The following GPAM variants were observed in gnomAD, a reference collection of about 807,000 sequenced individuals.
GPAM encodes glycerol-3-phosphate acyltransferase 1, mitochondrial.
GPAM carries 56 observed loss-of-function variants against 105.0 expected under a neutral mutation model. The ratio of observed to expected loss-of-function variants is 0.53; its 90% CI spans 0.43 to 0.67. The LOEUF (loss-of-function observed/expected upper bound fraction) is 0.67, where lower values mean the gene tolerates loss of function less well. Ranked by LOEUF, GPAM falls within the 30% of genes least tolerant of loss-of-function variation. The pLI is 0.00. For missense variants in GPAM, 855 were observed against 989.8 expected, an observed-to-expected ratio of 0.86 and a Z score of 1.83; for synonymous variants, 368 against 354.4, an observed-to-expected ratio of 1.04 and a Z score of -0.43.
intron 1 of GPAM, among the ~76,000 whole-genome samples, chr10:112,200,167 AATATATATAT>A (rs10528337): frequency 0.011 from 956 of 87,152 alleles, 11 homozygotes; most frequent in South Asian, 0.033. Flanking sequence ...TTGTAAAGGA[AATATATATAT>A]ATATATATAT....
At chr10:112,199,402 T>C (rs990872389) in intron 1 of GPAM, among the ~76,000 whole-genome samples, 1 of 152,078 alleles carries the variant, frequency 6.6e-6, no homozygotes, top group African/African-American at 2.4e-5. Context: ...CAGGAGGAGA[T>C]GGGAAATGAG....
chr10:112,153,849 A>G, intron 21 of GPAM, 183 bp from the exon 22 acceptor site: 1 of 585,528 alleles, frequency 1.7e-6, no homozygotes, highest in Non-Finnish European at 2.9e-6. Context: ...TTTCCAATGC[A>G]AACAAGGTTT....
intron 4 of GPAM, 58 bp from the exon 5 acceptor site, chr10:112,178,115 C>G (rs1210973614): frequency 1.4e-5 from 12 of 860,810 alleles, no homozygotes; most frequent in Non-Finnish European, 2.4e-5. Context: ...CGGTGAAGAG[C>G]TCTCATTATG....
Position 112,168,929 on chromosome 10 carries a change from C to T in GPAM, c.818G>A (p.Gly273Asp). 4 of 1,606,270 alleles carry T rather than the reference C, an allele frequency of 2.5e-6. No homozygotes were observed. The highest frequency in any genetic ancestry group is 1.7e-4 in the Middle Eastern group (1 of 6,046). The change falls in exon 10 of 22, where the codon GGC (glycine) becomes GAC (aspartate). Residue 273 changes from glycine to aspartate, a missense_variant. By Grantham distance (94) the Gly-to-Asp change is moderately conservative (BLOSUM62 -1). Coordinates refer to ENST00000348367, the MANE Select transcript of GPAM (RefSeq NM_001244949.2). Reference protein sequence around the residue: ...IFSTLIHKLGGFFIRRRLDET... With the variant: ...IFSTLIHKLGDFFIRRRLDET... ...ATCGAGCCTTCGTCGTATGAAGAAG[C>T]CCCCAAGCTTATGGATCAAGGTACT...
intron 1 of GPAM, chr10:112,214,328 A>G (rs1052019807): frequency 4.6e-5 from 7 of 152,208 alleles, no homozygotes; most frequent in African/African-American, 1.7e-4. Flanking sequence ...CCGTAAAAAC[A>G]TTCTTTTCCA....
rs878969297 is a variant in GPAM at position 112,157,379 on chromosome 10, T to C, written c.1991A>G (p.Gln664Arg). Residue 664 changes from glutamine (Q) to arginine (R), a missense_variant, in exon 19 of 22, where the codon CAG becomes CGG. Coordinates refer to ENST00000348367, the MANE Select transcript of GPAM (RefSeq NM_001244949.2). ...AGCAAGACTAGGACTGATATCTTCC[T>C]GGTCATCGTGCTAGGCCAAGGAGAT... Reference protein sequence around the residue: ...GILTVAEHDDQEDISPSLAEQ... With the variant: ...GILTVAEHDDREDISPSLAEQ... The C allele has an allele frequency of 1.2e-6, 2 of 1,614,010 alleles. No individual in the cohort carries two copies. The highest frequency in any genetic ancestry group is 2.2e-5 in the South Asian group (2 of 91,086).
At chr10:112,215,947 A>C (rs1275639434), upstream of GPAM, among the ~76,000 whole-genome samples, 1 of 152,174 alleles carries the variant, frequency 6.6e-6, no homozygotes, top group East Asian at 1.9e-4. Flanking sequence ...CCCCTTTCAA[A>C]ACTATTATTG....
intron 1 of GPAM, among the ~76,000 whole-genome samples, chr10:112,198,336 T>C (rs1847749988): frequency 6.6e-6 from 1 of 152,228 alleles, no homozygotes; most frequent in Non-Finnish European, 1.5e-5. Flanking sequence ...AACTTCAGCA[T>C]GTTTTTCGTT....
Position 112,152,824 on chromosome 10 carries a change from G to A in GPAM, c.*726C>T, listed in dbSNP as rs144174877. The A allele has an allele frequency of 5.0e-3, 2,026 of 407,688 alleles. 6 individuals carry two copies. Among genetic ancestry groups the A allele is most frequent in the Non-Finnish European group, 6.0e-3 (1,825 of 302,134 alleles). 25.3% of individuals were successfully genotyped at this position (407,688 alleles called of 1,614,324 possible). A position where few individuals can be genotyped will look rare whatever the true frequency, so the allele number is the denominator to read the frequency against. ...AAAAGCCTTCAACACCAGTTTTCTG[G>A]CCAAGTTTCCCTAGAATTTTGCCAG... On this transcript the variant is annotated 3_prime_UTR_variant, in exon 22 of 22. Coordinates refer to ENST00000348367, the MANE Select transcript of GPAM (RefSeq NM_001244949.2).
intron 17 of GPAM, 108 bp from the exon 18 acceptor site, chr10:112,158,501 T>C: frequency 1.4e-6 from 1 of 733,746 alleles, no homozygotes. Context: ...TTCTGTTACC[T>C]CCATCACCCC....
intron 1 of GPAM, among the ~76,000 whole-genome samples, chr10:112,192,989 C>T (rs1391264554): frequency 6.6e-6 from 1 of 152,174 alleles, no homozygotes; most frequent in Non-Finnish European, 1.5e-5. Context: ...CTTTATTGAG[C>T]AATTTCTATG....
chr10:112,189,478 T>A (rs1415054025), intron 1 of GPAM, among the ~76,000 whole-genome samples: 1 of 152,174 alleles, frequency 6.6e-6, no homozygotes, highest in Non-Finnish European at 1.5e-5. Context: ...CTTCCCTACT[T>A]CCAGCTGATC....
At chr10:112,156,353 C>T in intron 19 of GPAM, 1 of 380,810 alleles carries the variant, frequency 2.6e-6, no homozygotes, top group Non-Finnish European at 4.9e-6. Context: ...GATACGCTGT[C>T]ATCACTAAAA....
At chr10:112,190,903 T>C (rs1227599130) in intron 1 of GPAM, among the ~76,000 whole-genome samples, 1 of 152,138 alleles carries the variant, frequency 6.6e-6, no homozygotes, top group African/African-American at 2.4e-5. Flanking sequence ...ACTATTTCCT[T>C]AGTCCCAAGC....
intron 15 of GPAM, among the ~76,000 whole-genome samples, chr10:112,161,230 T>C (rs530807374): frequency 6.6e-6 from 1 of 152,346 alleles, no homozygotes; most frequent in South Asian, 2.1e-4. Flanking sequence ...GGTGCCTATA[T>C]ATATTGGCAC....
intron 3 of GPAM, among the ~76,000 whole-genome samples, chr10:112,180,805 C>A (rs563399541): frequency 2.0e-5 from 3 of 152,268 alleles, no homozygotes; most frequent in Middle Eastern, 3.4e-3. Context: ...AATAGCTACA[C>A]ACTGAAGGCA....
chr10:112,171,807 CT>C (rs1414698847), intron 9 of GPAM, among the ~76,000 whole-genome samples: 3 of 152,160 alleles, frequency 2.0e-5, no homozygotes, highest in African/African-American at 7.2e-5. Context: ...GTATGGTTGT[CT>C]TTATATCACT....
At chr10:112,169,308 C>T (rs1029839007) in intron 9 of GPAM, among the ~76,000 whole-genome samples, 1 of 152,096 alleles carries the variant, frequency 6.6e-6, no homozygotes, top group African/African-American at 2.4e-5. Context: ...AAGACACTGA[C>T]CCTTAGACAT....
intron 4 of GPAM, among the ~76,000 whole-genome samples, chr10:112,179,083 G>A (rs549004487): frequency 4.6e-5 from 7 of 152,208 alleles, no homozygotes; most frequent in Admixed American, 3.3e-4. Flanking sequence ...TTAGAGAAAA[G>A]GAAAATACGA....
Sources: allele counts gnomAD v4.1 joint callset (sites outside exome capture counted in the v4.1 genomes callset), GRCh38; gene constraint gnomAD v4.1.1; transcripts MANE v1.5; gene names NCBI Gene and HGNC (gene_info 2026-07-23, HGNC 2026-07-21).